PLXNA2: variants seen among roughly 807,000 people sequenced by gnomAD.
PLXNA2 encodes plexin-A2.
In PLXNA2, 91 loss-of-function variants were observed where a neutral mutation model predicts 193.5. The observed-to-expected ratio is 0.47, with a 90% CI of 0.40 to 0.56. The LOEUF (loss-of-function observed/expected upper bound fraction) is 0.56, where lower values mean the gene tolerates loss of function less well. PLXNA2 is among the 20% of genes least tolerant of loss of function. PLXNA2 has a pLI of 0.00. For synonymous variants in PLXNA2, 997 were observed against 1,027.3 expected (o/e 0.97, Z 0.56); for missense variants, 1,995 against 2,503.2 (o/e 0.80, Z 4.33).
At chr1:208,040,295 G>T (rs1664824289) in intron 22 of PLXNA2, 1 of 563,422 alleles carries the variant, frequency 1.8e-6, no homozygotes, top group Admixed American at 3.1e-5. Context: ...GGCCTTTTCA[G>T]CCCTGATGGT....
At chr1:208,128,695 CTTTTTTTTTTTT>C (rs34853346) in intron 4 of PLXNA2, among the ~76,000 whole-genome samples, 2 of 81,674 alleles carry the variant, frequency 2.4e-5, no homozygotes, top group Non-Finnish European at 4.6e-5. Context: ...CTGTTTCTTT[CTTTTTTTTTTTT>C]TTTTTTTTTT....
chr1:208,074,606 G>T (rs1263442024), intron 12 of PLXNA2, among the ~76,000 whole-genome samples: 3 of 152,174 alleles, frequency 2.0e-5, no homozygotes, highest in Non-Finnish European at 2.9e-5. Flanking sequence ...GGTAAGGAGG[G>T]GTTAAGGAAT....
chr1:208,206,766 G>GTTTTT (rs896776741), intron 3 of PLXNA2, among the ~76,000 whole-genome samples: 2 of 116,762 alleles, frequency 1.7e-5, no homozygotes, highest in Non-Finnish European at 3.5e-5. Flanking sequence ...GCACATATAG[G>GTTTTT]TTTTTTTTTT....
intron 12 of PLXNA2, among the ~76,000 whole-genome samples, chr1:208,062,672 A>T (rs531254203): frequency 6.6e-6 from 1 of 152,168 alleles, no homozygotes; most frequent in African/African-American, 2.4e-5. Context: ...AATAAAAATA[A>T]ACAGCACACA....
intron 3 of PLXNA2, among the ~76,000 whole-genome samples, chr1:208,207,214 C>T (rs904683726): frequency 3.9e-5 from 6 of 152,206 alleles, no homozygotes; most frequent in African/African-American, 9.7e-5. Context: ...CCATGTTGGC[C>T]GGGCTGGTCT....
chr1:208,052,236 G>T, intron 15 of PLXNA2, 91 bp downstream of exon 15: 2 of 1,313,422 alleles, frequency 1.5e-6, no homozygotes, highest in Non-Finnish European at 2.1e-6. Context: ...GAGGTGATGG[G>T]GCAGGCCTAT....
intron 1 of PLXNA2, among the ~76,000 whole-genome samples, chr1:208,241,324 G>C (rs1672042938): frequency 6.6e-6 from 1 of 152,222 alleles, no homozygotes; most frequent in South Asian, 2.1e-4. Context: ...GAGAGTTGCA[G>C]GGTGAATGTT....
intron 3 of PLXNA2, among the ~76,000 whole-genome samples, chr1:208,158,304 A>C (rs11118996): frequency 0.46 from 69,837 of 151,878 alleles, 16,288 homozygotes; most frequent in Middle Eastern, 0.55. Flanking sequence ...CTCTCCCATC[A>C]ATCCCCAGAT....
At chr1:208,233,179 T>C (rs1235933715) in intron 1 of PLXNA2, among the ~76,000 whole-genome samples, 1 of 152,228 alleles carries the variant, frequency 6.6e-6, no homozygotes, top group African/African-American at 2.4e-5. Flanking sequence ...TTTGCGTGCA[T>C]ACCCTCTCTT....
chr1:208,148,915 T>A (rs1396751679), intron 3 of PLXNA2, among the ~76,000 whole-genome samples: 2 of 152,204 alleles, frequency 1.3e-5, no homozygotes, highest in African/African-American at 2.4e-5. Context: ...TATAAAGCTG[T>A]TCTTGTTATG....
intron 3 of PLXNA2, among the ~76,000 whole-genome samples, chr1:208,158,404 C>T (rs1460405334): frequency 1.3e-5 from 2 of 152,118 alleles, no homozygotes; most frequent in African/African-American, 4.8e-5. Context: ...CATGACCTCT[C>T]CAAGATTCCC....
intron 4 of PLXNA2, among the ~76,000 whole-genome samples, chr1:208,141,694 G>C (rs1361664346): frequency 3.3e-5 from 5 of 152,052 alleles, no homozygotes; most frequent in African/African-American, 1.2e-4. Context: ...CTTCACCATG[G>C]CTCTCTCTGC....
intron 13 of PLXNA2, among the ~76,000 whole-genome samples, chr1:208,057,239 T>G (rs1490052272): frequency 6.6e-6 from 1 of 152,126 alleles, no homozygotes; most frequent in East Asian, 1.9e-4. Context: ...GTACAGACAA[T>G]GAAACTAAGG....
At position 208,033,494 on chromosome 1, in the gene PLXNA2, T is replaced by C. The variant is rs1298912304; in HGVS notation, c.4880A>G (p.Tyr1627Cys). ...CCGCAGGCTGTCGGGGCTGCCCGTA[T>C]ACCTGAAGGAGGAGTCTGAGGAGAA... ...SISRYDSSFR[Y>C]TGSPDSLRSR... The change falls in exon 28 of 32, where the codon TAT becomes TGT. Residue 1627 changes from tyrosine to cysteine, a missense_variant. By Grantham distance (194) the Tyr-to-Cys change is radical. Coordinates refer to ENST00000367033, the MANE Select transcript of PLXNA2 (RefSeq NM_025179.4). 6.2e-7 allele frequency: 1 copy of C among 1,609,720 alleles called. No homozygotes were observed. Among genetic ancestry groups the C allele is most frequent in the Non-Finnish European group, 8.5e-7 (1 of 1,177,112 alleles).
chr1:208,218,474 T>C (rs1368842918), intron 1 of PLXNA2, among the ~76,000 whole-genome samples: 1 of 152,158 alleles, frequency 6.6e-6, no homozygotes, highest in Non-Finnish European at 1.5e-5. Flanking sequence ...GAGTCTGATA[T>C]TGCACACAAA....
chr1:208,070,326 C>T (rs1665939314), intron 12 of PLXNA2, among the ~76,000 whole-genome samples: 1 of 152,250 alleles, frequency 6.6e-6, no homozygotes, highest in African/African-American at 2.4e-5. Context: ...CTCCTGCTCT[C>T]TCTGGCTCCC....
chr1:208,243,373 C>T lies in PLXNA2; in HGVS notation c.-81+270G>A, dbSNP rs565061521. On this transcript the variant is annotated intron_variant, in intron 1 of 31. Coordinates refer to ENST00000367033, the MANE Select transcript of PLXNA2 (RefSeq NM_025179.4). ...CGGAGCGCTGCTGCCGCCCTCAGCC[C>T]GCATTCGGGAAGCCGGCGGGCTGCC... Among the ~76,000 whole-genome samples the T allele has an allele frequency of 3.1e-4, 47 of 152,108 alleles. 1 individual carries two copies. In the East Asian group the frequency reaches 7.6e-3, roughly 24 times the overall value.
At chr1:208,047,368 T>G (rs1300461332) in intron 17 of PLXNA2, among the ~76,000 whole-genome samples, 3 of 91,676 alleles carry the variant, frequency 3.3e-5, no homozygotes, top group African/African-American at 1.1e-4. Context: ...TGATATCTTT[T>G]TTCTCTTGGA....
At chr1:208,141,090 AAAG>A (rs939368597) in intron 4 of PLXNA2, among the ~76,000 whole-genome samples, 10 of 152,246 alleles carry the variant, frequency 6.6e-5, no homozygotes, top group African/African-American at 2.4e-4. Flanking sequence ...AGGCCACATG[AAAG>A]AAGGTGAAAA....
Sources: allele counts gnomAD v4.1 joint callset (sites outside exome capture counted in the v4.1 genomes callset), GRCh38; gene constraint gnomAD v4.1.1; transcripts MANE v1.5; gene names NCBI Gene and HGNC (gene_info 2026-07-23, HGNC 2026-07-21).